SHANK1: variants seen among roughly 807,000 people sequenced by gnomAD.
SHANK1 encodes SH3 and multiple ankyrin repeat domains 1.
Under a neutral mutation model 165.6 loss-of-function variants are expected in SHANK1, and 35 were observed. That is an observed-to-expected ratio of 0.21 (90% CI 0.16 to 0.28). The LOEUF is 0.28. SHANK1 is among the 10% of genes least tolerant of loss of function. SHANK1 has a pLI of 1.00. For synonymous variants in SHANK1, 1,428 were observed against 1,384.8 expected, an observed-to-expected ratio of 1.03 and a Z score of -0.69; for missense variants, 2,681 against 3,036.4, an observed-to-expected ratio of 0.88 and a Z score of 2.75.
At chr19:50,687,318 CAG>C (rs1185622010) in intron 19 of SHANK1, among the ~76,000 whole-genome samples, 3 of 151,968 alleles carry the variant, frequency 2.0e-5, no homozygotes, top group Non-Finnish European at 4.4e-5. Context: ...AGGAAGGAGA[CAG>C]AGAGACCCGC....
At chr19:50,665,845 C>T (rs1568425977) in intron 23 of SHANK1, among the ~76,000 whole-genome samples, 1 of 150,272 alleles carries the variant, frequency 6.7e-6, no homozygotes, top group Non-Finnish European at 1.5e-5. Flanking sequence ...ACCAGCCTGA[C>T]CAACATGGAG....
intron 10 of SHANK1, 53 bp from the exon 11 acceptor site, chr19:50,703,883 CA>C: frequency 1.3e-6 from 1 of 787,746 alleles, no homozygotes; most frequent in Non-Finnish European, 1.9e-6. Flanking sequence ...AAAAGGCAAG[CA>C]GGGGGCCATG....
chr19:50,688,962 G>C lies in SHANK1; in HGVS notation c.2054C>G (p.Thr685Ser), dbSNP rs1047453972. ...GFVLRGAKAQTPIEEFTPTPA... is the reference protein window; with the variant it reads ...GFVLRGAKAQSPIEEFTPTPA... ...GGTGGGGGTGAACTCCTCGATGGGG[G>C]TCTGCGCTGCAGACAGGGAGGAGCC... is the stretch of plus-strand genomic sequence containing the variant. Residue 685 changes from threonine to serine, a missense_variant, in exon 17 of 24, where the codon ACC becomes AGC. By Grantham distance (58) the Thr-to-Ser change is moderately conservative. Transcript: ENST00000293441. This position sits in a 1 kb window ranked among gnomAD's most constrained non-coding sequence, Gnocchi z 6.7. 8 of 1,546,874 alleles carry C rather than the reference G, an allele frequency of 5.2e-6. No homozygotes were observed. Among genetic ancestry groups the C allele is most frequent in the Non-Finnish European group, 7.0e-6 (8 of 1,142,858 alleles).
intron 15 of SHANK1, among the ~76,000 whole-genome samples, chr19:50,696,317 C>A (rs1986740302): frequency 6.6e-6 from 1 of 152,112 alleles, no homozygotes; most frequent in Non-Finnish European, 1.5e-5. Flanking sequence ...GGAGACGCGC[C>A]AGGCAAACAC....
chr19:50,689,011 G>T, intron 16 of SHANK1, 43 bp from the exon 17 acceptor site: 1 of 1,423,474 alleles, frequency 7.0e-7, no homozygotes, highest in Non-Finnish European at 9.7e-7. Context: ...GGGAGGGGGT[G>T]GAGAGGCCGA....
In SHANK1 at chr19:50,660,149, C is replaced by G. The variant is rs543528997; in HGVS notation, c.*1816G>C. Among the ~76,000 whole-genome samples the G allele has an allele frequency of 6.6e-6, 1 of 151,184 alleles. No homozygotes were observed. Among genetic ancestry groups the G allele is most frequent in the East Asian group, 2.0e-4 (1 of 5,098 alleles). ...GGGGACCTGAGGGCAACGCCCTCCC[C>G]CCTTTACCCACAGCAGGGGAGGGGG... On this transcript the variant is annotated 3_prime_UTR_variant, in exon 24 of 24. Transcript: ENST00000293441.
In SHANK1 at chr19:50,669,158, GC is replaced by G; in HGVS notation, c.2801del (p.Ser934ThrfsTer409). On this transcript the variant is annotated frameshift_variant, in exon 23 of 24. Transcript: ENST00000293441. LOFTEE classifies it high-confidence loss of function. ...PTTSPPEPPYSTPPVPSSSGR... is the reference protein window; with the variant it reads ...PTTSPPEPPYXTPPVPSSSGR... Reference sequence around the variant, plus strand: ...CTGAGGAGGAGGGGACTGGAGGTGTGCTGTAGGGAGGCTCCGGTGGGGACGT... The same window carrying G: ...CTGAGGAGGAGGGGACTGGAGGTGTGTGTAGGGAGGCTCCGGTGGGGACGT... 6.3e-7 allele frequency: 1 copy of G among 1,584,620 alleles called. No homozygotes were observed. Among genetic ancestry groups the G allele is most frequent in the Non-Finnish European group, 8.6e-7 (1 of 1,165,876 alleles).
chr19:50,719,379 A>G, intron 1 of SHANK1, 27 bp downstream of exon 1: 1 of 107,848 alleles, frequency 9.3e-6, no homozygotes, highest in Non-Finnish European at 2.0e-5. Flanking sequence ...CAGCTGCCCC[A>G]AACCCCCAGG....
rs1167464986 is a variant in SHANK1 at position 50,666,654 on chromosome 19, C to T, written c.5306G>A (p.Arg1769Gln). The change falls in exon 23 of 24, where the codon CGG becomes CAG. Residue 1769 changes from arginine (R) to glutamine (Q), a missense_variant. Coordinates refer to ENST00000293441, the MANE Select transcript of SHANK1 (RefSeq NM_016148.5). Reference sequence around the variant, plus strand: ...TCGGAGTCCCCCGCTGGGGCCAGGCCGCAGGCCTCCGCTGGCTCCTAGCGC... The same window carrying T: ...TCGGAGTCCCCCGCTGGGGCCAGGCTGCAGGCCTCCGCTGGCTCCTAGCGC... ...GRALGASGGL[R>Q]PGPSGGLRDP... is the part of the protein sequence containing the mutation. 6.3e-6 allele frequency: 10 copies of T among 1,589,844 alleles called. No individual in the cohort carries two copies. Among genetic ancestry groups the T allele is most frequent in the South Asian group, 1.1e-5 (1 of 88,072 alleles).
intron 21 of SHANK1, among the ~76,000 whole-genome samples, chr19:50,685,030 G>A (rs915821323): frequency 2.6e-5 from 4 of 152,196 alleles, no homozygotes; most frequent in Admixed American, 1.3e-4. Flanking sequence ...AAAAGCCAAA[G>A]GACCCAGTTT....
rs965311251 is a variant in SHANK1, at chr19:50,686,976, C to G, written c.2390-164G>C. 1 of 1,398,820 alleles carries G rather than the reference C, an allele frequency of 7.1e-7. No individual in the cohort carries two copies. The highest frequency in any genetic ancestry group is 9.3e-7 in the Non-Finnish European group (1 of 1,071,570). The allele number at this position is 1,398,820 out of a possible 1,614,324, so 86.7% of individuals were successfully genotyped here. A position where few individuals can be genotyped will look rare whatever the true frequency, so the allele number is the denominator to read the frequency against. ...GGAGGGGCGAGTCCGCCGGCGGGGT[C>G]GGGAGACGGGGGCCCTCCCGCCAGT... On this transcript the variant is annotated intron_variant, in intron 19 of 23. Coordinates refer to ENST00000293441, the MANE Select transcript of SHANK1 (RefSeq NM_016148.5). The surrounding 1 kb of genome is among the most constrained non-coding windows in gnomAD (Gnocchi z 5.7).
In SHANK1 at chr19:50,667,543, C is replaced by T. The variant is rs1985586141; in HGVS notation, c.4417G>A (p.Val1473Ile). 6.8e-7 allele frequency: 1 copy of T among 1,481,180 alleles called. No individual in the cohort carries two copies. Among genetic ancestry groups the T allele is most frequent in the Non-Finnish European group, 8.8e-7 (1 of 1,131,044 alleles). 91.8% of individuals were successfully genotyped at this position (1,481,180 alleles called of 1,614,324 possible). ...GTEPPAPHPGVSKPWRSAAPE... is the reference protein window; with the variant it reads ...GTEPPAPHPGISKPWRSAAPE... ...GCTGCGGACCTCCAGGGCTTGCTTA[C>T]TCCGGGGTGCGGGGCCGGGGGCTCC... is the stretch of plus-strand genomic sequence containing the variant. Residue 1473 changes from valine to isoleucine, a missense_variant, in exon 23 of 24, where the codon GTA (valine) becomes ATA (isoleucine). Around this residue, in one of 10 missense-constraint regions of SHANK1, gnomAD observed 1,713 missense variants for 1,630.2 expected, o/e 1.05. Coordinates refer to ENST00000293441, the MANE Select transcript of SHANK1 (RefSeq NM_016148.5). This position sits in a 1 kb window ranked among gnomAD's most constrained non-coding sequence, Gnocchi z 5.7.
Position 50,662,105 on chromosome 19 carries a change from G to T in SHANK1, c.6346C>A (p.Arg2116=). 6.2e-7 allele frequency: 1 copy of T among 1,614,176 alleles called. No individual in the cohort carries two copies. The highest frequency in any genetic ancestry group is 8.5e-7 in the Non-Finnish European group (1 of 1,180,034). The change falls in exon 24 of 24, where the codon CGA becomes AGA. Residue 2116 remains arginine (R), a synonymous_variant. Coordinates refer to ENST00000293441, the MANE Select transcript of SHANK1 (RefSeq NM_016148.5). The surrounding 1 kb of genome is among the most constrained non-coding windows in gnomAD (Gnocchi z 7.7). ...ATCTCGTGGTCCAGGAACTGGGCTC[G>T]GTGCTCCGCCAAACCCAGCCACTCC... The part of the protein sequence containing the change: ...WLEWLGLAEH[R]AQFLDHEIDG...
chr19:50,665,241 C>T (rs1032419687), intron 23 of SHANK1, among the ~76,000 whole-genome samples: 7 of 152,162 alleles, frequency 4.6e-5, no homozygotes, highest in East Asian at 1.9e-4. Context: ...GCCTGGTCAA[C>T]GTAGCTTGTC....
chr19:50,695,249 C>T (rs1023906369), intron 15 of SHANK1, among the ~76,000 whole-genome samples: 1 of 139,930 alleles, frequency 7.1e-6, no homozygotes, highest in Non-Finnish European at 1.6e-5. Context: ...GCTCACATGC[C>T]GGGGGGCGCG....
At position 50,664,222 on chromosome 19, in the gene SHANK1, C is replaced by T. The variant is rs117644978; in HGVS notation, c.5769-1540G>A. 3.3e-3 allele frequency among the ~76,000 whole-genome samples: 498 copies of T among 151,930 alleles called. 3 individuals carry two copies. Among genetic ancestry groups the T allele is most frequent in the Non-Finnish European group, 6.1e-3 (414 of 67,984 alleles). ...AGGTCAGACACATTTGGATAGCAGACCTTCAAACAGAATTCAAGTGAACTC... is the reference window on the plus strand; with the variant it reads ...AGGTCAGACACATTTGGATAGCAGATCTTCAAACAGAATTCAAGTGAACTC... On this transcript the variant is annotated intron_variant, in intron 23 of 23. Transcript: ENST00000293441.
At chr19:50,699,922 CATTGGAGGATTGGAGGGCTCGGGG>C (rs1986856985) in intron 12 of SHANK1, among the ~76,000 whole-genome samples, 5 of 112,514 alleles carry the variant, frequency 4.4e-5, no homozygotes, top group African/African-American at 1.8e-4. Flanking sequence ...GGGCTCGGGG[CATTGGAGGATTGGAGGGCTCGGGG>C]CATTGGAGGA....
rs1324075212 is a variant in SHANK1, at chr19:50,666,985, C to A, written c.4975G>T (p.Ala1659Ser). 1.3e-6 allele frequency: 2 copies of A among 1,575,790 alleles called. No individual in the cohort carries two copies. Among genetic ancestry groups the A allele is most frequent in the Middle Eastern group, 1.7e-4 (1 of 5,938 alleles). Residue 1659 changes from alanine to serine, a missense_variant, in exon 23 of 24, where the codon GCT becomes TCT. Around this residue, in one of 10 missense-constraint regions of SHANK1, gnomAD observed 1,713 missense variants for 1,630.2 expected, o/e 1.05. Coordinates refer to ENST00000293441, the MANE Select transcript of SHANK1 (RefSeq NM_016148.5). ...GGGTCCGGGCCAGGCTGTGGGGCAGCGGGAGCCGGTGCTGCTGGGGCAGGC... is the reference window on the plus strand; with the variant it reads ...GGGTCCGGGCCAGGCTGTGGGGCAGAGGGAGCCGGTGCTGCTGGGGCAGGC... ...GPPAPAAPAPAAPQPGPDPPP... is the reference protein window; with the variant it reads ...GPPAPAAPAPSAPQPGPDPPP...
chr19:50,669,034 G>T lies in SHANK1; in HGVS notation c.2926C>A (p.Pro976Thr). The T allele has an allele frequency of 6.9e-6, 6 of 869,550 alleles. No individual in the cohort carries two copies. Among genetic ancestry groups the T allele is most frequent in the Non-Finnish European group, 1.0e-5 (6 of 581,410 alleles). 53.9% of individuals were successfully genotyped at this position (869,550 alleles called of 1,614,324 possible). The change falls in exon 23 of 24, where the codon CCC becomes ACC. Residue 976 changes from proline (P) to threonine (T), a missense_variant. Pro to Thr is a conservative substitution (Grantham distance 38). Transcript: ENST00000293441. ...SPASFDGPSP[P>T]DTRVGSREKS... ...TCGCGGCTCCCCACGCGAGTGTCGG[G>T]AGGGGAGGGCCCGTCAAAGGATGCA...
Sources: gnomAD v4.1 joint callset for allele counts (sites outside exome capture counted in the v4.1 genomes callset) on GRCh38, gnomAD v4.1.1 for gene constraint, gnomAD v4.1.1 regional missense constraint, Gnocchi (gnomAD v3.1) non-coding constraint, MANE v1.5 for transcripts, NCBI Gene and HGNC (gene_info 2026-07-23, HGNC 2026-07-21) for gene names.